The following KCNMA1 variants were observed in gnomAD, a reference collection of about 807,000 sequenced individuals.
KCNMA1 encodes the protein potassium calcium-activated channel subfamily M alpha 1.
Under a neutral mutation model 140.0 loss-of-function variants are expected in KCNMA1, and 29 were observed. The observed-to-expected ratio is 0.21, with a 90% CI of 0.15 to 0.28. The LOEUF is 0.28. Ranked by LOEUF, KCNMA1 falls within the 10% of genes least tolerant of loss-of-function variation. KCNMA1 has a pLI of 1.00. For missense variants in KCNMA1, 880 were observed against 1,602.2 expected, an observed-to-expected ratio of 0.55 and a Z score of 7.70; for synonymous variants, 612 against 611.9, an observed-to-expected ratio of 1.00 and a Z score of 0.00.
rs536387981 is a variant in KCNMA1, at chr10:77,284,104, A to T, written c.541-32848T>A. On this transcript the variant is annotated intron_variant, in intron 2 of 27. Coordinates refer to ENST00000286628, the MANE Select transcript of KCNMA1 (RefSeq NM_001161352.2). ...GTGGTGAAAAATTGGGCTAAAGACA[A>T]TATGACCAGGGCTGGACACTGAGGG... is the stretch of plus-strand genomic sequence containing the variant. 3.3e-5 allele frequency among the ~76,000 whole-genome samples: 5 copies of T among 152,308 alleles called. No homozygotes were observed. The South Asian group carries it at 1.0e-3, about 32-fold the overall frequency.
chr10:77,320,155 G>C (rs371553850), intron 2 of KCNMA1, among the ~76,000 whole-genome samples: 1 of 152,244 alleles, frequency 6.6e-6, no homozygotes, highest in East Asian at 1.9e-4. Flanking sequence ...CTTACTCCAT[G>C]AGACTCATCA....
chr10:76,960,523 G>C (rs1030416374), intron 20 of KCNMA1, among the ~76,000 whole-genome samples: 13 of 148,674 alleles, frequency 8.7e-5, no homozygotes, highest in Admixed American at 5.4e-4. Flanking sequence ...CCAGCAACAG[G>C]GCCAGACCCT....
At chr10:76,977,157 A>T (rs2077858803) in intron 19 of KCNMA1, among the ~76,000 whole-genome samples, 1 of 152,104 alleles carries the variant, frequency 6.6e-6, no homozygotes, top group Admixed American at 6.6e-5. Context: ...TTGCCCTAGC[A>T]CTTGCAGTCC....
At chr10:77,096,992 G>A (rs148235597) in intron 9 of KCNMA1, among the ~76,000 whole-genome samples, 84 of 152,234 alleles carry the variant, frequency 5.5e-4, no homozygotes, top group Non-Finnish European at 9.0e-4. Context: ...GGCGTGGGGG[G>A]TTAGAGACCC....
chr10:77,476,290 G>T (rs1340553156), intron 1 of KCNMA1, among the ~76,000 whole-genome samples: 3 of 152,316 alleles, frequency 2.0e-5, no homozygotes. Flanking sequence ...AGAAAACAAA[G>T]ATGGCCCCAG....
chr10:77,303,642 C>G (rs1178065115), intron 2 of KCNMA1, among the ~76,000 whole-genome samples: 1 of 152,184 alleles, frequency 6.6e-6, no homozygotes, highest in African/African-American at 2.4e-5. Context: ...GCAGCACAGT[C>G]CCTCCCATGC....
intron 1 of KCNMA1, among the ~76,000 whole-genome samples, chr10:77,527,244 C>T (rs1603632969): frequency 6.6e-6 from 1 of 152,248 alleles, no homozygotes; most frequent in Non-Finnish European, 1.5e-5. Context: ...TGGCTTGGGG[C>T]TCCCCTCTTC....
At chr10:77,506,299 C>A (rs961213140) in intron 1 of KCNMA1, among the ~76,000 whole-genome samples, 4 of 152,152 alleles carry the variant, frequency 2.6e-5, no homozygotes, top group Non-Finnish European at 5.9e-5. Flanking sequence ...CCACTGGCTG[C>A]AGCACATCTA....
At chr10:77,251,132 A>G in intron 3 of KCNMA1, 63 bp downstream of exon 3, 4 of 1,289,400 alleles carry the variant, frequency 3.1e-6, no homozygotes, top group Non-Finnish European at 3.4e-6. Context: ...AAATAAATGG[A>G]TCAATGTAAA....
intron 19 of KCNMA1, among the ~76,000 whole-genome samples, chr10:76,991,070 A>G (rs2082618434): frequency 6.6e-6 from 1 of 152,200 alleles, no homozygotes; most frequent in Admixed American, 6.5e-5. Flanking sequence ...AAGGCCTCGA[A>G]TGTTGCTCTA....
At position 77,264,022 on chromosome 10, in the gene KCNMA1, C is replaced by T. The variant is rs116496473; in HGVS notation, c.541-12766G>A. ...ATTCTTACAGACAAACTACCCTTCC[C>T]GAATGAAGTAGAAAGTTTCACAAGA... On this transcript the variant is annotated intron_variant, in intron 2 of 27. Transcript: ENST00000286628. Among the ~76,000 whole-genome samples the T allele has an allele frequency of 5.1e-3, 773 of 152,242 alleles. 6 individuals carry two copies. The highest frequency in any genetic ancestry group is 0.017 in the African/African-American group (717 of 41,540).
chr10:77,578,350 T>C (rs1004438233), intron 1 of KCNMA1, among the ~76,000 whole-genome samples: 1 of 152,202 alleles, frequency 6.6e-6, no homozygotes, highest in Admixed American at 6.5e-5. Flanking sequence ...CTGCTCTGGG[T>C]TTCAGCTTTG....
chr10:77,110,080 A>G lies in KCNMA1; in HGVS notation c.1131+93T>C, dbSNP rs899779835. 4 of 1,113,900 alleles carry G rather than the reference A, an allele frequency of 3.6e-6. No individual in the cohort carries two copies. The Admixed American group carries it at 6.9e-5, about 19-fold the overall frequency. The allele number at this position is 1,113,900 out of a possible 1,614,324, so 69.0% of individuals were successfully genotyped here. A position where few individuals can be genotyped will look rare whatever the true frequency, so the allele number is the denominator to read the frequency against. ...ACGTTAAGGCTTGCTTCTAGTGCAG[A>G]ATACAGTCTAAAATACAAAGCTTTA... On this transcript the variant is annotated intron_variant, in intron 8 of 27. Coordinates refer to ENST00000286628, the MANE Select transcript of KCNMA1 (RefSeq NM_001161352.2).
chr10:77,252,593 A>ATC (rs1190919032), intron 2 of KCNMA1, among the ~76,000 whole-genome samples: 1 of 148,158 alleles, frequency 6.7e-6, no homozygotes, highest in East Asian at 2.0e-4. Context: ...GAGAGACAGA[A>ATC]TCTCTCTCTT....
At chr10:77,355,620 T>A (rs948777123) in intron 2 of KCNMA1, among the ~76,000 whole-genome samples, 1 of 152,198 alleles carries the variant, frequency 6.6e-6, no homozygotes, top group African/African-American at 2.4e-5. Flanking sequence ...AAAGATAGCA[T>A]AAGACAGAAC....
chr10:76,976,955 G>A (rs905259486), intron 19 of KCNMA1, among the ~76,000 whole-genome samples: 1 of 152,146 alleles, frequency 6.6e-6, no homozygotes, highest in Non-Finnish European at 1.5e-5. Context: ...ATGGGGTTTG[G>A]AGAATGGGAA....
intron 2 of KCNMA1, among the ~76,000 whole-genome samples, chr10:77,272,399 A>G (rs2065399851): frequency 6.6e-6 from 1 of 152,200 alleles, no homozygotes; most frequent in Non-Finnish European, 1.5e-5. Context: ...AGTCAATTCC[A>G]TAATACTTGA....
chr10:77,355,004 T>C (rs192927528), intron 2 of KCNMA1, among the ~76,000 whole-genome samples: 22 of 152,362 alleles, frequency 1.4e-4, no homozygotes, highest in African/African-American at 4.8e-4. Context: ...TGTATTCCCA[T>C]AATTCCCACG....
intron 2 of KCNMA1, among the ~76,000 whole-genome samples, chr10:77,265,899 G>A (rs1017578249): frequency 1.3e-5 from 2 of 152,068 alleles, no homozygotes; most frequent in Admixed American, 6.6e-5. Flanking sequence ...TGGGCAACAT[G>A]GTGAAATCCC....
Sources: allele counts gnomAD v4.1 joint callset (sites outside exome capture counted in the v4.1 genomes callset), GRCh38; gene constraint gnomAD v4.1.1; transcripts MANE v1.5; gene names NCBI Gene and HGNC (gene_info 2026-07-23, HGNC 2026-07-21).